CSKMT: variants seen among roughly 807,000 people sequenced by gnomAD.
The protein encoded by CSKMT is citrate synthase lysine methyltransferase.
CSKMT carries 6 observed loss-of-function variants against 4.6 expected under a neutral mutation model. The observed-to-expected ratio is 1.31, with a 90% confidence interval of 0.72 to 2.59. The LOEUF is 2.59. Among genes scored for constraint, CSKMT ranks in the 30% most tolerant of loss-of-function variants. The pLI is 0.00. For missense variants in CSKMT, 328 were observed against 298.0 expected, an observed-to-expected ratio of 1.10 and a Z score of -0.74; for synonymous variants, 142 against 128.9, an observed-to-expected ratio of 1.10 and a Z score of -0.69.
In CSKMT at chr11:62,667,463, G is replaced by A. The variant is rs758219416; in HGVS notation, c.*412G>A. ...CTGTAAAAGGAGATTGTAAGAGGAT[G>A]GGTATAAGGAGCTTCATAAACCTGG... On this transcript the variant is annotated 3_prime_UTR_variant, in exon 3 of 3. Transcript: ENST00000532971. 2.0e-6 allele frequency: 3 copies of A among 1,520,084 alleles called. No homozygotes were observed. The highest frequency in any genetic ancestry group is 1.8e-6 in the Non-Finnish European group (2 of 1,095,060). The allele number at this position is 1,520,084 out of a possible 1,614,324, so 94.2% of individuals were successfully genotyped here. A position where few individuals can be genotyped will look rare whatever the true frequency, so the allele number is the denominator to read the frequency against.
chr11:62,665,536 A>C (rs1590847680), intron 1 of CSKMT, 111 bp from the exon 2 acceptor site: 1 of 1,567,184 alleles, frequency 6.4e-7, no homozygotes, highest in Non-Finnish European at 8.6e-7. Flanking sequence ...GCGGCTTCCC[A>C]TCCGCTGGTT....
Position 62,667,928 on chromosome 11 carries a change from G to T in CSKMT, c.*877G>T. On this transcript the variant is annotated 3_prime_UTR_variant, in exon 3 of 3. Transcript: ENST00000532971. Reference sequence around the variant, plus strand: ...ACTCTACAAAAACAAATGAGCCCGGGATAGTGGCACAGGCATGTAGTTCCA... The same window carrying T: ...ACTCTACAAAAACAAATGAGCCCGGTATAGTGGCACAGGCATGTAGTTCCA... The T allele has an allele frequency of 1.7e-6, 1 of 572,556 alleles. No individual in the cohort carries two copies. The highest frequency in any genetic ancestry group is 3.1e-6 in the Non-Finnish European group (1 of 320,542). The allele number at this position is 572,556 out of a possible 1,614,324, so 35.5% of individuals were successfully genotyped here. A position where few individuals can be genotyped will look rare whatever the true frequency, so the allele number is the denominator to read the frequency against.
rs781071897 is a variant in CSKMT at position 62,667,502 on chromosome 11, G to C, written c.*451G>C. ...TCATAAACCTGGATGAGATATTTGA[G>C]GGGGAGGGAACAATACTTACCCTCA... On this transcript the variant is annotated 3_prime_UTR_variant, in exon 3 of 3. Transcript: ENST00000532971. 10 of 1,604,226 alleles carry C rather than the reference G, an allele frequency of 6.2e-6. No homozygotes were observed. The highest frequency in any genetic ancestry group is 7.7e-6 in the Non-Finnish European group (9 of 1,171,190).
chr11:62,667,157 T>C lies in CSKMT; in HGVS notation c.*106T>C. 8.3e-7 allele frequency: 1 copy of C among 1,198,126 alleles called. No homozygotes were observed. Among genetic ancestry groups the C allele is most frequent in the Non-Finnish European group, 1.2e-6 (1 of 852,412 alleles). The allele number at this position is 1,198,126 out of a possible 1,614,324, so 74.2% of individuals were successfully genotyped here. On this transcript the variant is annotated 3_prime_UTR_variant, in exon 3 of 3. Coordinates refer to ENST00000532971, the MANE Select transcript of CSKMT (RefSeq NM_001043229.2). ...GCAAAGTGAGAATTTGAGTCCTGGC[T>C]TCCACATTTACTAGCTGGGTGCCAT... is the stretch of plus-strand genomic sequence containing the variant.
In CSKMT at chr11:62,665,637, T is replaced by G. The variant is rs2134619600; in HGVS notation, c.-233-10T>G. Reference sequence around the variant, plus strand: ...CATCGGGGTGCTCACACTTTCTCATTTGATTTCAGGTCTGCGGACGCTGTA... The same window carrying G: ...CATCGGGGTGCTCACACTTTCTCATGTGATTTCAGGTCTGCGGACGCTGTA... On this transcript the variant is annotated splice_polypyrimidine_tract_variant and intron_variant, in intron 1 of 2. Transcript: ENST00000532971. 2 of 1,521,536 alleles carry G rather than the reference T, an allele frequency of 1.3e-6. No homozygotes were observed. The highest frequency in any genetic ancestry group is 2.7e-5 in the African/African-American group (2 of 72,944). 94.3% of individuals were successfully genotyped at this position (1,521,536 alleles called of 1,614,324 possible).
Position 62,667,049 on chromosome 11 carries a change from T to G in CSKMT, c.721T>G (p.Ter241GluextTer40). ...YFAYLIQGSH[*>E] Reference sequence around the variant, plus strand: ...TGCTTACTTGATTCAAGGCTCTCATTAAAGACATTTTAGTAGTCCTGACCC... The same window carrying G: ...TGCTTACTTGATTCAAGGCTCTCATGAAAGACATTTTAGTAGTCCTGACCC... Residue 241 changes from the stop codon to glutamate (E), a stop_lost, in exon 3 of 3, where the codon TAA becomes GAA. Coordinates refer to ENST00000532971, the MANE Select transcript of CSKMT (RefSeq NM_001043229.2). 3 of 1,593,366 alleles carry G rather than the reference T, an allele frequency of 1.9e-6. No homozygotes were observed. The highest frequency in any genetic ancestry group is 1.7e-4 in the Middle Eastern group (1 of 5,918).
At position 62,665,769 on chromosome 11, in the gene CSKMT, C is replaced by T. The variant is rs1944790536; in HGVS notation, c.-111C>T. 3 of 1,526,108 alleles carry T rather than the reference C, an allele frequency of 2.0e-6. No homozygotes were observed. Among genetic ancestry groups the T allele is most frequent in the Non-Finnish European group, 2.6e-6 (3 of 1,135,276 alleles). The allele number at this position is 1,526,108 out of a possible 1,614,324, so 94.5% of individuals were successfully genotyped here. A position where few individuals can be genotyped will look rare whatever the true frequency, so the allele number is the denominator to read the frequency against. ...AGAGTTCGGGGAAGCTGTACGCCGC[C>T]TTTCGCTACGCGGAATTTGCAGATC... On this transcript the variant is annotated 5_prime_UTR_variant, in exon 2 of 3. Transcript: ENST00000532971.
chr11:62,667,404 T>G lies in CSKMT; in HGVS notation c.*353T>G, dbSNP rs775568658. On this transcript the variant is annotated 3_prime_UTR_variant, in exon 3 of 3. Transcript: ENST00000532971. ...CCTGCGCTGACTGACTTGTATAATC[T>G]AGTGGCCTAACCTGTAAGCCTCATT... 2 of 1,008,762 alleles carry G rather than the reference T, an allele frequency of 2.0e-6. No individual in the cohort carries two copies. The highest frequency in any genetic ancestry group is 3.1e-6 in the Non-Finnish European group (2 of 652,354). The allele number at this position is 1,008,762 out of a possible 1,614,324, so 62.5% of individuals were successfully genotyped here.
At chr11:62,665,407 GC>G in intron 1 of CSKMT, 75 bp downstream of exon 1, 1 of 1,394,640 alleles carries the variant, frequency 7.2e-7, no homozygotes, top group Non-Finnish European at 9.9e-7. Context: ...AAGGCTCTGG[GC>G]GGGGTCTCAG....
chr11:62,667,041 G>A lies in CSKMT; in HGVS notation c.713G>A (p.Gly238Asp). 2 of 1,599,360 alleles carry A rather than the reference G, an allele frequency of 1.3e-6. No individual in the cohort carries two copies. The highest frequency in any genetic ancestry group is 1.1e-5 in the South Asian group (1 of 89,446). Residue 238 changes from glycine to aspartate, a missense_variant, in exon 3 of 3, where the codon GGC becomes GAC. By Grantham distance (94) the Gly-to-Asp change is moderately conservative. Coordinates refer to ENST00000532971, the MANE Select transcript of CSKMT (RefSeq NM_001043229.2). ...GITYFAYLIQ[G>D]SH ...ACCTACTTTGCTTACTTGATTCAAGGCTCTCATTAAAGACATTTTAGTAGT... is the reference window on the plus strand; with the variant it reads ...ACCTACTTTGCTTACTTGATTCAAGACTCTCATTAAAGACATTTTAGTAGT...
rs563390035 is a variant in CSKMT, at chr11:62,665,333, G to T, written c.-234+1G>T. On this transcript the variant is annotated splice_donor_variant, in intron 1 of 2. Coordinates refer to ENST00000532971, the MANE Select transcript of CSKMT (RefSeq NM_001043229.2). LOFTEE classifies it low-confidence loss of function (5UTR_SPLICE). Reference sequence around the variant, plus strand: ...AGGCCTTTCGGAGGGTGGTGAGCTAGTAAGTGTGGTTTTAGCTGTAGTAGC... The same window carrying T: ...AGGCCTTTCGGAGGGTGGTGAGCTATTAAGTGTGGTTTTAGCTGTAGTAGC... 8 of 754,762 alleles carry T rather than the reference G, an allele frequency of 1.1e-5. No individual in the cohort carries two copies. The highest frequency in any genetic ancestry group is 8.8e-6 in the Non-Finnish European group (4 of 455,174). The allele number at this position is 754,762 out of a possible 1,614,324, so 46.8% of individuals were successfully genotyped here. A position where few individuals can be genotyped will look rare whatever the true frequency, so the allele number is the denominator to read the frequency against.
In CSKMT at chr11:62,667,622, C is replaced by T. The variant is rs1373780243; in HGVS notation, c.*571C>T. 6.2e-7 allele frequency: 1 copy of T among 1,614,052 alleles called. No individual in the cohort carries two copies. Among genetic ancestry groups the T allele is most frequent in the East Asian group, 2.2e-5 (1 of 44,900 alleles). On this transcript the variant is annotated 3_prime_UTR_variant, in exon 3 of 3. Transcript: ENST00000532971. ...TCCCAGAAGGGACAGTGGTTGGTGG[C>T]TTCCAGACATGCTGTGTCCTCAAGA...
In CSKMT at chr11:62,665,703, C is replaced by T. The variant is rs968481749; in HGVS notation, c.-177C>T. On this transcript the variant is annotated 5_prime_UTR_variant, in exon 2 of 3. Transcript: ENST00000532971. ...CCCGCTGCAGCCAATAAAGGCCGTT[C>T]CTACCATAGTCTGTGTCCGCGTTCT... is the stretch of plus-strand genomic sequence containing the variant. 6.8e-6 allele frequency: 10 copies of T among 1,459,944 alleles called. No homozygotes were observed. The African/African-American group carries it at 1.3e-4, about 19-fold the overall frequency. The allele number at this position is 1,459,944 out of a possible 1,614,324, so 90.4% of individuals were successfully genotyped here.
intron 2 of CSKMT, 165 bp from the exon 3 acceptor site, chr11:62,666,231 G>A (rs1231206510): frequency 7.6e-6 from 6 of 784,924 alleles, no homozygotes; most frequent in Non-Finnish European, 1.3e-5. Context: ...AGCTACTCAG[G>A]AGGCTGAGGT....
chr11:62,667,022 T>C lies in CSKMT; in HGVS notation c.694T>C (p.Phe232Leu). 6.2e-7 allele frequency: 1 copy of C among 1,607,914 alleles called. No individual in the cohort carries two copies. The highest frequency in any genetic ancestry group is 8.5e-7 in the Non-Finnish European group (1 of 1,177,060). ...AGGCCCGTTCAGGGGCATCACCTACTTTGCTTACTTGATTCAAGGCTCTCA... is the reference window on the plus strand; with the variant it reads ...AGGCCCGTTCAGGGGCATCACCTACCTTGCTTACTTGATTCAAGGCTCTCA... The part of the protein sequence containing the change: ...ELGPFRGITY[F>L]AYLIQGSH The change falls in exon 3 of 3, where the codon TTT (phenylalanine) becomes CTT (leucine). Residue 232 changes from phenylalanine (F) to leucine (L), a missense_variant. By Grantham distance (22) the Phe-to-Leu change is conservative. Transcript: ENST00000532971.
rs147134442 is a variant in CSKMT, at chr11:62,667,759, G to A, written c.*708G>A. ...GCTCCAAGCCCAGCCTGGGATGGAG[G>A]AAGAGAGGGGACAAAAATATTACTG... On this transcript the variant is annotated 3_prime_UTR_variant, in exon 3 of 3. Transcript: ENST00000532971. 3.0e-5 allele frequency: 47 copies of A among 1,544,652 alleles called. No individual in the cohort carries two copies. Among genetic ancestry groups the A allele is most frequent in the Admixed American group, 2.5e-4 (14 of 56,736 alleles).
chr11:62,666,232 A>T, intron 2 of CSKMT, 164 bp from the exon 3 acceptor site: 1 of 785,712 alleles, frequency 1.3e-6, no homozygotes, highest in Non-Finnish European at 2.1e-6. Context: ...GCTACTCAGG[A>T]GGCTGAGGTG....
Position 62,667,837 on chromosome 11 carries a change from TCA to T in CSKMT, c.*789_*790del. ...CAGGCATGCTGGCTCATACCTATAA[TCA>T]CAGCACTTTGGGAGGCCAAGGTGGG... On this transcript the variant is annotated 3_prime_UTR_variant, in exon 3 of 3. Transcript: ENST00000532971. 3.2e-6 allele frequency: 3 copies of T among 932,032 alleles called. No individual in the cohort carries two copies. The highest frequency in any genetic ancestry group is 4.8e-5 in the East Asian group (2 of 41,434). The allele number at this position is 932,032 out of a possible 1,614,324, so 57.7% of individuals were successfully genotyped here.
At chr11:62,665,379 G>A (rs1334500077) in intron 1 of CSKMT, 47 bp downstream of exon 1, 23 of 1,087,160 alleles carry the variant, frequency 2.1e-5, no homozygotes, top group Non-Finnish European at 3.0e-5. Flanking sequence ...GGCCGGGAGT[G>A]GTGGGGGTGC....
Sources: allele counts gnomAD v4.1 joint callset, GRCh38; gene constraint gnomAD v4.1.1; transcripts MANE v1.5; gene names NCBI Gene and HGNC (gene_info 2026-07-23, HGNC 2026-07-21).